The following EML4 variants were observed in gnomAD, a reference collection of about 807,000 sequenced individuals.
EML4 encodes echinoderm microtubule-associated protein-like 4.
EML4 carries 72 observed loss-of-function variants against 129.0 expected under a neutral mutation model. That is an observed-to-expected ratio of 0.56 (90% confidence interval 0.46 to 0.68). The LOEUF is 0.68. Ranked by LOEUF, EML4 falls within the 30% of genes least tolerant of loss-of-function variation. EML4 has a pLI of 0.00. For synonymous variants in EML4, 532 were observed against 405.0 expected (o/e 1.31, Z -3.77); for missense variants, 1,363 against 1,190.6 (o/e 1.14, Z -2.13).
At chr2:42,236,028 G>T (rs1417246632) in intron 1 of EML4, among the ~76,000 whole-genome samples, 1 of 152,042 alleles carries the variant, frequency 6.6e-6, no homozygotes, top group African/African-American at 2.4e-5. Context: ...TAATCACGTA[G>T]ATGTTCCATT....
chr2:42,253,269 C>T (rs983667477), intron 2 of EML4, among the ~76,000 whole-genome samples: 2 of 152,100 alleles, frequency 1.3e-5, no homozygotes, highest in African/African-American at 4.8e-5. Flanking sequence ...TAGTTTTCAT[C>T]CTGAAGGTAG....
At chr2:42,169,785 C>A in intron 1 of EML4, 149 bp downstream of exon 1, 2 of 839,030 alleles carry the variant, frequency 2.4e-6, no homozygotes, top group African/African-American at 1.8e-5. Flanking sequence ...CGCCCCTCCG[C>A]GGACTCCGGT....
At chr2:42,174,897 A>G (rs1191178063) in intron 1 of EML4, among the ~76,000 whole-genome samples, 1 of 151,534 alleles carries the variant, frequency 6.6e-6, no homozygotes, top group Non-Finnish European at 1.5e-5. Context: ...GGCTCACTGC[A>G]GCCTCCGCCT....
At chr2:42,265,493 G>GC (rs1292448753) in intron 6 of EML4, among the ~76,000 whole-genome samples, 2 of 152,094 alleles carry the variant, frequency 1.3e-5, no homozygotes, top group Admixed American at 1.3e-4. Flanking sequence ...TCCCGCCTCA[G>GC]CCCCCCAAAA....
Position 42,264,103 on chromosome 2 carries a change from G to GTTTTTTTTTTTTTTTTTTT in EML4, c.642-595_642-577dup, listed in dbSNP as rs9309080. ...AAGGCTCCCAACTCAAACAATACGT[G>GTTTTTTTTTTTTTTTTTTT]TTTTTTTTTTTTTTTTTTTTTTTTT... is the stretch of plus-strand genomic sequence containing the variant. On this transcript the variant is annotated intron_variant, in intron 5 of 22. Transcript: ENST00000318522. Among the ~76,000 whole-genome samples, 6 of 100,748 alleles carry GTTTTTTTTTTTTTTTTTTT rather than the reference G, an allele frequency of 6.0e-5. 3 individuals carry two copies. The highest frequency in any genetic ancestry group is 7.8e-5 in the Non-Finnish European group (4 of 51,220). The allele number at this position is 100,748 out of a possible 152,430, so 66.1% of individuals were successfully genotyped here.
chr2:42,197,153 C>T (rs1177593471), intron 1 of EML4, among the ~76,000 whole-genome samples: 1 of 152,110 alleles, frequency 6.6e-6, no homozygotes, highest in Non-Finnish European at 1.5e-5. Flanking sequence ...GCCTTGACCT[C>T]CCAGGATCAG....
chr2:42,222,737 G>C (rs1391204523), intron 1 of EML4, among the ~76,000 whole-genome samples: 1 of 152,136 alleles, frequency 6.6e-6, no homozygotes, highest in African/African-American at 2.4e-5. Context: ...TATATCCATT[G>C]ATCATGCATA....
At chr2:42,179,840 G>C (rs945800783) in intron 1 of EML4, among the ~76,000 whole-genome samples, 1 of 152,030 alleles carries the variant, frequency 6.6e-6, no homozygotes, top group African/African-American at 2.4e-5. Context: ...GACCCCAAGT[G>C]ATCCACCCAC....
intron 1 of EML4, among the ~76,000 whole-genome samples, chr2:42,184,965 A>G (rs1671159936): frequency 6.6e-6 from 1 of 152,218 alleles, no homozygotes; most frequent in Non-Finnish European, 1.5e-5. Flanking sequence ...GGAAAACCAT[A>G]GGATCAGTGG....
At chr2:42,318,324 C>A (rs1250916970) in intron 19 of EML4, among the ~76,000 whole-genome samples, 1 of 152,158 alleles carries the variant, frequency 6.6e-6, no homozygotes, top group Non-Finnish European at 1.5e-5. Context: ...GCATATACAT[C>A]TTGTAATAAG....
chr2:42,288,467 T>C (rs968818474), intron 11 of EML4, 145 bp downstream of exon 11: 1 of 459,346 alleles, frequency 2.2e-6, no homozygotes, highest in African/African-American at 2.0e-5. Flanking sequence ...TAGTGATTTG[T>C]CATAATCGTT....
intron 2 of EML4, among the ~76,000 whole-genome samples, chr2:42,246,334 A>G (rs1359904253): frequency 2.0e-5 from 3 of 152,196 alleles, no homozygotes; most frequent in Non-Finnish European, 2.9e-5. Context: ...AGATTTGAAC[A>G]TATCATTTGA....
Position 42,303,503 on chromosome 2 carries a change from G to T in EML4, c.1899+57G>T, listed in dbSNP as rs890713951. 1.8e-5 allele frequency: 28 copies of T among 1,574,928 alleles called. No homozygotes were observed. In the Admixed American group the frequency reaches 2.6e-4, roughly 15 times the overall value. ...CCCACAGAAACTCCTCACACTGGCA[G>T]TTGAGAGCAGCAAAGTAAAAAGGAC... On this transcript the variant is annotated intron_variant, in intron 16 of 22. Coordinates refer to ENST00000318522, the MANE Select transcript of EML4 (RefSeq NM_019063.5).
chr2:42,302,791 C>G (rs1354904156), intron 14 of EML4, among the ~76,000 whole-genome samples: 1 of 152,156 alleles, frequency 6.6e-6, no homozygotes, highest in Non-Finnish European at 1.5e-5. Flanking sequence ...GCATTGGCCT[C>G]CAAATGTGCT....
chr2:42,314,234 C>T (rs974975641), intron 17 of EML4, among the ~76,000 whole-genome samples: 2 of 151,976 alleles, frequency 1.3e-5, no homozygotes, highest in African/African-American at 2.4e-5. Flanking sequence ...TGGCGCCCAC[C>T]TGTAATCCCA....
chr2:42,293,305 G>T (rs1667759936), intron 11 of EML4, among the ~76,000 whole-genome samples: 2 of 151,956 alleles, frequency 1.3e-5, no homozygotes, highest in Admixed American at 6.6e-5. Flanking sequence ...GTCTCACTAT[G>T]TTGCACAGTT....
intron 19 of EML4, among the ~76,000 whole-genome samples, chr2:42,318,474 T>C (rs1024733533): frequency 8.5e-5 from 13 of 152,242 alleles, no homozygotes; most frequent in African/African-American, 3.1e-4. Context: ...AGAGTCCATT[T>C]GTAAACTAGT....
chr2:42,302,001 A>G (rs1294474621), intron 14 of EML4, among the ~76,000 whole-genome samples: 1 of 152,090 alleles, frequency 6.6e-6, no homozygotes. Flanking sequence ...TTTTAGGAGT[A>G]ATTTTAGATC....
chr2:42,278,958 TTG>T (rs1449626851), intron 6 of EML4, among the ~76,000 whole-genome samples: 1 of 152,092 alleles, frequency 6.6e-6, no homozygotes, highest in Non-Finnish European at 1.5e-5. Flanking sequence ...ATGTATTGAT[TTG>T]ATTCTAGACT....
Sources: gnomAD v4.1 joint callset for allele counts (sites outside exome capture counted in the v4.1 genomes callset) on GRCh38, gnomAD v4.1.1 for gene constraint, MANE v1.5 for transcripts, NCBI Gene and HGNC (gene_info 2026-07-23, HGNC 2026-07-21) for gene names.